CREB1: variants seen among roughly 807,000 people sequenced by gnomAD.
The protein encoded by CREB1 is cAMP responsive element binding protein 1.
Under a neutral mutation model 42.0 loss-of-function variants are expected in CREB1, and 2 were observed. The observed-to-expected ratio is 0.05, with a 90% confidence interval of 0.02 to 0.15. The LOEUF is 0.15. Ranked by LOEUF, CREB1 falls within the 10% of genes least tolerant of loss-of-function variation. The pLI is 1.00. For missense variants in CREB1, 199 were observed against 388.9 expected (o/e 0.51, Z 4.11); for synonymous variants, 123 against 139.9 (o/e 0.88, Z 0.85).
At chr2:207,540,839 CAAGTT>C (rs2081073122) in intron 1 of CREB1, among the ~76,000 whole-genome samples, 1 of 151,884 alleles carries the variant, frequency 6.6e-6, no homozygotes, top group Non-Finnish European at 1.5e-5. Flanking sequence ...AAAGAGTTGA[CAAGTT>C]AAAAAAACTA....
intron 1 of CREB1, among the ~76,000 whole-genome samples, chr2:207,535,885 A>G (rs1251605677): frequency 6.6e-6 from 1 of 151,862 alleles, no homozygotes; most frequent in Non-Finnish European, 1.5e-5. Context: ...GCAGTGGCAC[A>G]CACTTGGCTC....
At position 207,605,806 on chromosome 2, in the gene CREB1, C is replaced by CAGGATA. The variant is rs2087994955; in HGVS notation, c.*8749_*8754dup. On this transcript the variant is annotated 3_prime_UTR_variant, in exon 8 of 8. Transcript: ENST00000353267. ...ACTAGGTCTACACAAGTTGTATCTC[C>CAGGATA]AGGATACTGAGAAGTAAAAGTTATT... Among the ~76,000 whole-genome samples the CAGGATA allele has an allele frequency of 6.6e-6, 1 of 152,168 alleles. No individual in the cohort carries two copies. Among genetic ancestry groups the CAGGATA allele is most frequent in the African/African-American group, 2.4e-5 (1 of 41,432 alleles).
chr2:207,577,561 G>C lies in CREB1; in HGVS notation c.745G>C (p.Ala249Pro). 1.2e-6 allele frequency: 2 copies of C among 1,613,936 alleles called. No individual in the cohort carries two copies. The highest frequency in any genetic ancestry group is 2.2e-5 in the South Asian group (2 of 91,078). Residue 249 changes from alanine to proline, a missense_variant, in exon 7 of 8, where the codon GCC (alanine) becomes CCC (proline). This residue lies in a region of CREB1 where 66 missense variants were observed against 88.1 expected (regional missense o/e 0.75). Coordinates refer to ENST00000353267, the MANE Select transcript of CREB1 (RefSeq NM_004379.5). ...QIRTAPTSTI[A>P]PGVVMASSPA... is the part of the protein sequence containing the mutation. ...TCGCACAGCACCCACTAGCACTATTGCCCCTGGAGTTGTTATGGCATCCTC... is the reference window on the plus strand; with the variant it reads ...TCGCACAGCACCCACTAGCACTATTCCCCCTGGAGTTGTTATGGCATCCTC...
In CREB1 at chr2:207,600,254, T is replaced by TAA. The variant is rs1382387251; in HGVS notation, c.*3197_*3198insAA. On this transcript the variant is annotated 3_prime_UTR_variant, in exon 8 of 8. Transcript: ENST00000353267. ...ATATGTGTACATATATATATATATA[T>TAA]ATATATATACATACAGTATATAATC... 2 of 163,542 alleles carry TAA rather than the reference T, an allele frequency of 1.2e-5. No individual in the cohort carries two copies. Among genetic ancestry groups the TAA allele is most frequent in the Non-Finnish European group, 2.6e-5 (2 of 76,166 alleles). 10.1% of individuals were successfully genotyped at this position (163,542 alleles called of 1,614,324 possible). A position where few individuals can be genotyped will look rare whatever the true frequency, so the allele number is the denominator to read the frequency against.
At chr2:207,555,925 A>G (rs946616706) in intron 2 of CREB1, among the ~76,000 whole-genome samples, 176 bp downstream of exon 2, 1 of 152,220 alleles carries the variant, frequency 6.6e-6, no homozygotes, top group Non-Finnish European at 1.5e-5. Flanking sequence ...TATTAATTCA[A>G]TAACAGTAAA....
At chr2:207,575,855 G>GT (rs1190423402) in intron 6 of CREB1, among the ~76,000 whole-genome samples, 2 of 112,258 alleles carry the variant, frequency 1.8e-5, no homozygotes, top group African/African-American at 6.7e-5. Context: ...TGTTGTTTTT[G>GT]TTTTTTCATC....
intron 7 of CREB1, among the ~76,000 whole-genome samples, chr2:207,578,654 A>G (rs970551597): frequency 3.3e-5 from 5 of 152,180 alleles, no homozygotes; most frequent in African/African-American, 9.7e-5. Flanking sequence ...TGTGTGTGCA[A>G]TTTCACAGCT....
intron 7 of CREB1, among the ~76,000 whole-genome samples, chr2:207,587,433 TAAAAG>T (rs1321658819): frequency 7.0e-6 from 1 of 142,176 alleles, no homozygotes; most frequent in Non-Finnish European, 1.5e-5. Context: ...ACACAAAAAA[TAAAAG>T]AACCACTATA....
intron 7 of CREB1, chr2:207,577,929 C>T (rs191150943): frequency 3.2e-4 from 132 of 416,844 alleles, no homozygotes; most frequent in African/African-American, 2.5e-3. Context: ...TGTCTGCACT[C>T]CAACCAGTTA....
chr2:207,566,072 A>C lies in CREB1; in HGVS notation c.262-1391A>C, dbSNP rs1233203277. Among the ~76,000 whole-genome samples the C allele has an allele frequency of 7.9e-5, 12 of 152,086 alleles. 1 individual carries two copies. The highest frequency in any genetic ancestry group is 7.9e-4 in the Admixed American group (12 of 15,260). On this transcript the variant is annotated intron_variant, in intron 3 of 7. Transcript: ENST00000353267. ...TGAATTCATTATATGTTGCCTATTG[A>C]TTTTTAGGTCTTTCAGATTGTACTT...
At chr2:207,571,644 C>A in intron 5 of CREB1, 1 of 407,658 alleles carries the variant, frequency 2.5e-6, no homozygotes, top group Non-Finnish European at 4.9e-6. Context: ...TGTGTATTAT[C>A]AGTTGAAGCC....
chr2:207,533,381 T>C (rs2080734220), intron 1 of CREB1, among the ~76,000 whole-genome samples: 1 of 152,270 alleles, frequency 6.6e-6, no homozygotes, highest in Admixed American at 6.5e-5. Context: ...TCTAAGACAT[T>C]TGGTTTTGTT....
intron 7 of CREB1, among the ~76,000 whole-genome samples, chr2:207,579,796 C>T (rs970430094): frequency 1.3e-5 from 2 of 152,078 alleles, no homozygotes; most frequent in South Asian, 2.1e-4. Flanking sequence ...ACTAGCATAC[C>T]GCTCATATGT....
intron 6 of CREB1, 160 bp from the exon 7 acceptor site, chr2:207,577,345 G>T: frequency 9.3e-7 from 1 of 1,075,062 alleles, no homozygotes; most frequent in Non-Finnish European, 1.3e-6. Context: ...CTTAGTAGTG[G>T]CGCGAAGAGT....
At chr2:207,583,911 T>TA (rs2083372206) in intron 7 of CREB1, among the ~76,000 whole-genome samples, 1 of 152,260 alleles carries the variant, frequency 6.6e-6, no homozygotes, top group African/African-American at 2.4e-5. Flanking sequence ...TAATCTCTTA[T>TA]AAATGGTATC....
Position 207,604,534 on chromosome 2 carries a change from G to A in CREB1, c.*7476G>A, listed in dbSNP as rs116590105. On this transcript the variant is annotated 3_prime_UTR_variant, in exon 8 of 8. Coordinates refer to ENST00000353267, the MANE Select transcript of CREB1 (RefSeq NM_004379.5). ...CCAAACCGGATGAGAATTCTAACACGGGCCTGACATCAAATGGAAAGGAAG... is the reference window on the plus strand; with the variant it reads ...CCAAACCGGATGAGAATTCTAACACAGGCCTGACATCAAATGGAAAGGAAG... Among the ~76,000 whole-genome samples the A allele has an allele frequency of 2.2e-3, 334 of 152,218 alleles. 2 individuals carry two copies. Among genetic ancestry groups the A allele is most frequent in the African/African-American group, 7.4e-3 (309 of 41,534 alleles).
intron 5 of CREB1, among the ~76,000 whole-genome samples, chr2:207,572,484 T>G (rs2082407679): frequency 6.6e-6 from 1 of 152,202 alleles, no homozygotes; most frequent in Admixed American, 6.5e-5. Context: ...TTATATATTT[T>G]GTTTAATAGC....
rs374575266 is a variant in CREB1, at chr2:207,560,290, A to C, written c.179A>C (p.Asn60Thr). 3.1e-6 allele frequency: 5 copies of C among 1,613,848 alleles called. No individual in the cohort carries two copies. The highest frequency in any genetic ancestry group is 4.2e-6 in the Non-Finnish European group (5 of 1,179,840). Residue 60 changes from asparagine (N) to threonine (T), a missense_variant, in exon 3 of 8, where the codon AAT becomes ACT. By Grantham distance (65) the Asn-to-Thr change is moderately conservative. Coordinates refer to ENST00000353267, the MANE Select transcript of CREB1 (RefSeq NM_004379.5). ...ACCGTAACTCTAGTACAGCTGCCCA[A>C]TGGGCAGACAGTTCAAGTCCATGGA... ...APTVTLVQLP[N>T]GQTVQVHGVI...
rs2086699030 is a variant in CREB1 at position 207,599,532 on chromosome 2, AC to A, written c.*2476del. 5.1e-6 allele frequency: 1 copy of A among 196,972 alleles called. No homozygotes were observed. The highest frequency in any genetic ancestry group is 1.1e-5 in the Non-Finnish European group (1 of 95,058). 12.2% of individuals were successfully genotyped at this position (196,972 alleles called of 1,614,324 possible). ...CTGGATGAATTTATAAGTTATAAAGACCTTATCCTTCATACCTTGAGGATGA... is the reference window on the plus strand; with the variant it reads ...CTGGATGAATTTATAAGTTATAAAGACTTATCCTTCATACCTTGAGGATGA... On this transcript the variant is annotated 3_prime_UTR_variant, in exon 8 of 8. Coordinates refer to ENST00000353267, the MANE Select transcript of CREB1 (RefSeq NM_004379.5).
Sources: allele counts gnomAD v4.1 joint callset (sites outside exome capture counted in the v4.1 genomes callset), GRCh38; gene constraint gnomAD v4.1.1; regional missense constraint gnomAD v4.1.1; transcripts MANE v1.5; gene names NCBI Gene and HGNC (gene_info 2026-07-23, HGNC 2026-07-21).